SLC13A3: variants seen among roughly 807,000 people sequenced by gnomAD.
The protein encoded by SLC13A3 is solute carrier family 13 member 3, also known as Na(+)/dicarboxylate cotransporter 3.
A neutral mutation model predicts 59.0 loss-of-function variants in SLC13A3; 40 were observed. That is an observed-to-expected ratio of 0.68 (90% CI 0.53 to 0.88). The LOEUF (loss-of-function observed/expected upper bound fraction) is 0.88. Ranked by LOEUF, SLC13A3 falls within the 40% of genes least tolerant of loss-of-function variation. The probability of loss-of-function intolerance (pLI) is 0.00; values close to 1 mark genes in which losing one functional copy is unlikely to be tolerated. For synonymous variants in SLC13A3, 317 were observed against 330.3 expected (o/e 0.96, Z 0.44); for missense variants, 699 against 783.2 (o/e 0.89, Z 1.28).
chr20:46,660,784 T>G (rs1482633459), intron 1 of SLC13A3, among the ~76,000 whole-genome samples: 1 of 152,146 alleles, frequency 6.6e-6, no homozygotes, highest in Non-Finnish European at 1.5e-5. Flanking sequence ...TGTTAGAGCA[T>G]TTGGTATCAT....
intron 1 of SLC13A3, among the ~76,000 whole-genome samples, chr20:46,615,094 T>G (rs913022096): frequency 6.6e-6 from 1 of 152,200 alleles, no homozygotes; most frequent in South Asian, 2.1e-4. Flanking sequence ...TGCATCCGTG[T>G]CCCACAGGAT....
At chr20:46,629,036 G>C (rs1415385113) in intron 1 of SLC13A3, among the ~76,000 whole-genome samples, 2 of 152,230 alleles carry the variant, frequency 1.3e-5, no homozygotes, top group Non-Finnish European at 2.9e-5. Context: ...ACAAATGTCT[G>C]TGAAAGCATT....
chr20:46,567,430 G>T (rs2061990558), intron 10 of SLC13A3, among the ~76,000 whole-genome samples: 1 of 152,060 alleles, frequency 6.6e-6, no homozygotes, highest in Non-Finnish European at 1.5e-5. Flanking sequence ...GCCTGAAAAA[G>T]TTTTTGTGAC....
At chr20:46,614,117 G>A (rs1204717445) in intron 1 of SLC13A3, among the ~76,000 whole-genome samples, 2 of 152,236 alleles carry the variant, frequency 1.3e-5, no homozygotes, top group Non-Finnish European at 2.9e-5. Flanking sequence ...GAAACAGAAG[G>A]AAGCCAATCC....
chr20:46,593,141 C>G lies in SLC13A3; in HGVS notation c.795-612G>C, dbSNP rs578009784. On this transcript the variant is annotated intron_variant, in intron 5 of 12. Transcript: ENST00000279027. ...TCAGTTTTATTAAGACATCATCAAG[C>G]CTGAAAAGATGAAGGGCAATAACAC... is the stretch of plus-strand genomic sequence containing the variant. 1.2e-4 allele frequency among the ~76,000 whole-genome samples: 18 copies of G among 152,154 alleles called. No homozygotes were observed. In the East Asian group the frequency reaches 2.5e-3, roughly 21 times the overall value.
At chr20:46,579,971 C>CT (rs369263062) in intron 9 of SLC13A3, among the ~76,000 whole-genome samples, 1,560 of 146,802 alleles carry the variant, frequency 0.011, 25 homozygotes, top group African/African-American at 0.035. Context: ...CTCATCACTA[C>CT]TTTTTTTTTT....
intron 9 of SLC13A3, chr20:46,582,795 G>A: frequency 1.0e-6 from 1 of 985,374 alleles, no homozygotes; most frequent in Non-Finnish European, 1.2e-6. Flanking sequence ...TGACTCCGGA[G>A]GAGCTCATCC....
intron 1 of SLC13A3, among the ~76,000 whole-genome samples, chr20:46,627,185 G>T (rs2062682678): frequency 6.6e-6 from 1 of 152,208 alleles, no homozygotes. Context: ...TTAAAAGAAT[G>T]AATAAATGAT....
At chr20:46,588,516 C>T (rs1370957388) in intron 7 of SLC13A3, among the ~76,000 whole-genome samples, 1 of 151,966 alleles carries the variant, frequency 6.6e-6, no homozygotes, top group South Asian at 2.1e-4. Flanking sequence ...GGAAGAGAAA[C>T]AGACAGAAAT....
intron 3 of SLC13A3, among the ~76,000 whole-genome samples, chr20:46,609,756 C>T (rs1280512915): frequency 6.6e-6 from 1 of 152,066 alleles, no homozygotes; most frequent in Non-Finnish European, 1.5e-5. Context: ...ATGTATCCAC[C>T]ATATTTGCCT....
intron 4 of SLC13A3, among the ~76,000 whole-genome samples, chr20:46,598,896 T>C (rs1220405282): frequency 1.3e-5 from 2 of 152,008 alleles, no homozygotes; most frequent in African/African-American, 4.8e-5. Context: ...CTTTGACCTC[T>C]CAGGAGCTTT....
Position 46,599,980 on chromosome 20 carries a change from C to A in SLC13A3, c.599G>T (p.Ser200Ile), listed in dbSNP as rs1568929497. Residue 200 changes from serine (S) to isoleucine (I), a missense_variant, in exon 4 of 13, where the codon AGC becomes ATC. Physicochemically the swap from Ser to Ile is moderately radical, Grantham distance 142 (BLOSUM62 -2). Transcript: ENST00000279027. ...TTCACCAGTAACTTACGCTTCTGTG[C>A]TGGCGAGAAACTGCATCTCCGTGGG... ...TVPTEMQFLA[S>I]TEAKDHPGET... The A allele has an allele frequency of 6.4e-7, 1 of 1,571,392 alleles. No individual in the cohort carries two copies. Among genetic ancestry groups the A allele is most frequent in the East Asian group, 2.3e-5 (1 of 43,510 alleles).
intron 3 of SLC13A3, among the ~76,000 whole-genome samples, chr20:46,608,501 T>C (rs145582554): frequency 6.6e-6 from 1 of 152,212 alleles, no homozygotes; most frequent in Non-Finnish European, 1.5e-5. Flanking sequence ...ACTCTGCCGT[T>C]GCATAGAGCT....
At chr20:46,632,910 T>TAGACAG (rs1314009715) in intron 1 of SLC13A3, among the ~76,000 whole-genome samples, 1,914 of 73,546 alleles carry the variant, frequency 0.026, 60 homozygotes, top group Non-Finnish European at 0.032. Context: ...GATAGATAGA[T>TAGACAG]ATATCTATCT....
chr20:46,571,885 G>A (rs905903607), intron 10 of SLC13A3, among the ~76,000 whole-genome samples: 2 of 152,118 alleles, frequency 1.3e-5, no homozygotes, highest in African/African-American at 4.8e-5. Context: ...AGGCTGTGGG[G>A]TGCATGTGAG....
At chr20:46,644,526 G>A (rs2062875706) in intron 1 of SLC13A3, among the ~76,000 whole-genome samples, 1 of 152,120 alleles carries the variant, frequency 6.6e-6, no homozygotes, top group South Asian at 2.1e-4. Context: ...AAATGTACAT[G>A]TCCTCTGAGA....
rs1032251149 is a variant in SLC13A3, at chr20:46,577,500, G to A, written c.1220-1815C>T. ...TACAAGAAGTCTGAAAAAGTGAAGC[G>A]ACTTGCCCCACGCAGCAGGTAAGGG... On this transcript the variant is annotated intron_variant, in intron 9 of 12. Coordinates refer to ENST00000279027, the MANE Select transcript of SLC13A3 (RefSeq NM_022829.6). 1.2e-4 allele frequency among the ~76,000 whole-genome samples: 18 copies of A among 152,146 alleles called. 1 individual carries two copies. Among genetic ancestry groups the A allele is most frequent in the Admixed American group, 6.5e-5 (1 of 15,282 alleles).
At chr20:46,676,411 CTTTTTTTTTTT>C (rs543970617) in intron 1 of SLC13A3, among the ~76,000 whole-genome samples, 1 of 108,484 alleles carries the variant, frequency 9.2e-6, no homozygotes, top group African/African-American at 4.0e-5. Flanking sequence ...TCTCTCAACT[CTTTTTTTTTTT>C]TTTTTTTTTT....
chr20:46,632,992 A>G (rs1007144620), intron 1 of SLC13A3, among the ~76,000 whole-genome samples: 1 of 151,276 alleles, frequency 6.6e-6, no homozygotes, highest in South Asian at 2.1e-4. Flanking sequence ...TCATCTATCT[A>G]TCTATCATCT....
Sources: allele counts gnomAD v4.1 joint callset (sites outside exome capture counted in the v4.1 genomes callset), GRCh38; gene constraint gnomAD v4.1.1; transcripts MANE v1.5; gene names NCBI Gene and HGNC (gene_info 2026-07-23, HGNC 2026-07-21).